Variants in GRB14 observed in about 807,000 individuals in gnomAD.
GRB14 encodes growth factor receptor-bound protein 14.
A neutral mutation model predicts 69.1 loss-of-function variants in GRB14; 38 were observed. The ratio of observed to expected loss-of-function variants is 0.55; its 90% CI spans 0.42 to 0.72. The LOEUF (loss-of-function observed/expected upper bound fraction) is 0.72. Among genes scored for constraint, GRB14 ranks in the 30% least tolerant of loss-of-function variants. The probability of loss-of-function intolerance (pLI) is 0.00; values close to 1 mark genes in which losing one functional copy is unlikely to be tolerated. For missense variants in GRB14, 666 were observed against 666.1 expected (o/e 1.00, Z 0.00); for synonymous variants, 247 against 241.3 (o/e 1.02, Z -0.22).
At chr2:164,547,851 A>G in intron 2 of GRB14, 35 bp from the exon 3 acceptor site, 5 of 1,483,384 alleles carry the variant, frequency 3.4e-6, no homozygotes, top group Non-Finnish European at 4.6e-6. Flanking sequence ...GACCTAAAAT[A>G]TTCCTGTTTG....
At chr2:164,494,295 A>G in intron 13 of GRB14, 136 bp downstream of exon 13, 3 of 605,690 alleles carry the variant, frequency 5.0e-6, no homozygotes, top group Non-Finnish European at 8.9e-6. Flanking sequence ...CTCTAGTCAA[A>G]GCACAAGCTG....
chr2:164,597,436 T>C (rs985774288), intron 2 of GRB14, among the ~76,000 whole-genome samples: 3 of 152,158 alleles, frequency 2.0e-5, no homozygotes, highest in Admixed American at 6.5e-5. Flanking sequence ...TAGCCCCTCC[T>C]TTCAAATGCC....
intron 2 of GRB14, among the ~76,000 whole-genome samples, chr2:164,562,684 C>T (rs762333929): frequency 6.6e-6 from 1 of 152,124 alleles, no homozygotes; most frequent in Non-Finnish European, 1.5e-5. Context: ...GTGTGAAATG[C>T]TTCTAAATAT....
chr2:164,508,431 A>T, intron 8 of GRB14, 24 bp downstream of exon 8: 3 of 1,591,098 alleles, frequency 1.9e-6, no homozygotes, highest in Non-Finnish European at 2.6e-6. Flanking sequence ...AGTTAATAGA[A>T]ATTCATGCCT....
chr2:164,514,529 C>T (rs908824419), intron 6 of GRB14, among the ~76,000 whole-genome samples: 5 of 152,046 alleles, frequency 3.3e-5, no homozygotes, highest in African/African-American at 1.2e-4. Context: ...GAAAAAGCAG[C>T]AGGAAGAGCC....
chr2:164,513,483 T>A (rs997628468), intron 6 of GRB14, among the ~76,000 whole-genome samples: 1 of 152,140 alleles, frequency 6.6e-6, no homozygotes, highest in Non-Finnish European at 1.5e-5. Flanking sequence ...GAGAAGGCCC[T>A]GTGAATACAA....
At chr2:164,510,276 GT>G (rs1381133317) in intron 6 of GRB14, among the ~76,000 whole-genome samples, 5 of 152,082 alleles carry the variant, frequency 3.3e-5, no homozygotes, top group Non-Finnish European at 5.9e-5. Flanking sequence ...GGTATGATGA[GT>G]TTTTTTCTCT....
intron 2 of GRB14, among the ~76,000 whole-genome samples, chr2:164,602,361 C>A (rs913160561): frequency 1.3e-5 from 2 of 152,006 alleles, no homozygotes; most frequent in African/African-American, 4.8e-5. Context: ...GAGATGATTA[C>A]TGAAATTACC....
At chr2:164,600,180 C>T (rs1689880043) in intron 2 of GRB14, among the ~76,000 whole-genome samples, 1 of 152,162 alleles carries the variant, frequency 6.6e-6, no homozygotes, top group Non-Finnish European at 1.5e-5. Flanking sequence ...TAAACAGCGC[C>T]CCCCTGTGTG....
At chr2:164,519,828 G>A (rs981784539) in intron 6 of GRB14, among the ~76,000 whole-genome samples, 1 of 151,830 alleles carries the variant, frequency 6.6e-6, no homozygotes, top group Non-Finnish European at 1.5e-5. Flanking sequence ...AACTCTACAA[G>A]GAAAACTACA....
intron 3 of GRB14, among the ~76,000 whole-genome samples, chr2:164,529,551 C>T (rs1383986616): frequency 2.0e-5 from 3 of 152,090 alleles, no homozygotes; most frequent in Non-Finnish European, 4.4e-5. Flanking sequence ...GACTACAACT[C>T]ACCTTTGCAA....
intron 2 of GRB14, chr2:164,568,213 G>A (rs1689031000): frequency 5.5e-6 from 3 of 546,068 alleles, no homozygotes; most frequent in East Asian, 7.2e-5. Context: ...CTCTTTCAAG[G>A]GTATGTAAGT....
intron 2 of GRB14, among the ~76,000 whole-genome samples, chr2:164,552,248 A>G (rs1186819840): frequency 6.6e-6 from 1 of 152,204 alleles, no homozygotes; most frequent in South Asian, 2.1e-4. Flanking sequence ...TCACCCTCCT[A>G]GCAAAAACTC....
At chr2:164,560,911 G>T (rs184504886) in intron 2 of GRB14, among the ~76,000 whole-genome samples, 1 of 152,190 alleles carries the variant, frequency 6.6e-6, no homozygotes, top group Admixed American at 6.5e-5. Flanking sequence ...TCCTACAGGG[G>T]TAGAAAATCC....
At chr2:164,556,529 CCTCTGA>C (rs1392244989) in intron 2 of GRB14, among the ~76,000 whole-genome samples, 1 of 152,160 alleles carries the variant, frequency 6.6e-6, no homozygotes, top group Non-Finnish European at 1.5e-5. Flanking sequence ...ACAATCCTGT[CCTCTGA>C]CTCCAATCCT....
chr2:164,494,145 T>C (rs1051352207), intron 13 of GRB14, among the ~76,000 whole-genome samples: 3 of 152,214 alleles, frequency 2.0e-5, no homozygotes, highest in African/African-American at 7.2e-5. Context: ...GAAGCTTTAG[T>C]GCCCTTTTAA....
chr2:164,591,682 G>T (rs192214673), intron 2 of GRB14, among the ~76,000 whole-genome samples: 3 of 152,194 alleles, frequency 2.0e-5, no homozygotes, highest in South Asian at 4.2e-4. Context: ...TAATCCTCAA[G>T]AACTATTTCT....
chr2:164,595,028 T>C (rs1349016165), intron 2 of GRB14, among the ~76,000 whole-genome samples: 1 of 152,172 alleles, frequency 6.6e-6, no homozygotes, highest in East Asian at 1.9e-4. Context: ...CATTAATAGG[T>C]CCATGTCTGT....
At chr2:164,590,446 T>C (rs1327659146) in intron 2 of GRB14, among the ~76,000 whole-genome samples, 3 of 152,236 alleles carry the variant, frequency 2.0e-5, no homozygotes, top group African/African-American at 7.2e-5. Context: ...GTACCGTGAA[T>C]GAGAACATAC....
Sources: allele counts gnomAD v4.1 joint callset (sites outside exome capture counted in the v4.1 genomes callset), GRCh38; gene constraint gnomAD v4.1.1; transcripts MANE v1.5; gene names NCBI Gene and HGNC (gene_info 2026-07-23, HGNC 2026-07-21).